The following SNTG2 variants were observed in gnomAD, a reference collection of about 807,000 sequenced individuals.
SNTG2 encodes syntrophin gamma 2.
Under a neutral mutation model 70.9 loss-of-function variants are expected in SNTG2, and 74 were observed. The ratio of observed to expected loss-of-function variants is 1.04; its 90% CI spans 0.86 to 1.27. The LOEUF is 1.27. Among genes scored for constraint, SNTG2 ranks in the 50% most tolerant of loss-of-function variants. The pLI is 0.00. For missense variants in SNTG2, 717 were observed against 690.7 expected (o/e 1.04, Z -0.43); for synonymous variants, 278 against 273.8 (o/e 1.02, Z -0.15).
At chr2:994,881 T>C (rs556562155) in intron 1 of SNTG2, among the ~76,000 whole-genome samples, 1 of 151,502 alleles carries the variant, frequency 6.6e-6, no homozygotes, top group Non-Finnish European at 1.5e-5. Context: ...TGCAAACATA[T>C]ATAAATACAA....
intron 4 of SNTG2, among the ~76,000 whole-genome samples, chr2:1,109,208 CT>C (rs1666278048): frequency 6.6e-6 from 1 of 151,942 alleles, no homozygotes; most frequent in Admixed American, 6.5e-5. Flanking sequence ...TTTATTCCCC[CT>C]AACAGTGGTT....
At chr2:1,319,536 G>A (rs1681430214) in intron 16 of SNTG2, among the ~76,000 whole-genome samples, 1 of 152,160 alleles carries the variant, frequency 6.6e-6, no homozygotes, top group Non-Finnish European at 1.5e-5. Context: ...GGAGGAACTT[G>A]GGTAGACAGA....
intron 1 of SNTG2, among the ~76,000 whole-genome samples, chr2:953,134 A>G (rs1660032054): frequency 6.6e-6 from 1 of 152,188 alleles, no homozygotes; most frequent in Admixed American, 6.5e-5. Context: ...CCTGTTCGGT[A>G]ACAGACCTGT....
intron 16 of SNTG2, among the ~76,000 whole-genome samples, chr2:1,328,431 G>A (rs1681846560): frequency 6.6e-6 from 1 of 152,154 alleles, no homozygotes; most frequent in Admixed American, 6.6e-5. Flanking sequence ...CCACAACTCT[G>A]GGGCTCCGTG....
chr2:1,063,734 A>G (rs910427639), intron 1 of SNTG2, among the ~76,000 whole-genome samples: 2 of 152,358 alleles, frequency 1.3e-5, no homozygotes, highest in East Asian at 3.9e-4. Flanking sequence ...GATCAATCAC[A>G]TAATTCAACA....
intron 1 of SNTG2, among the ~76,000 whole-genome samples, chr2:989,245 G>A (rs1284107489): frequency 1.3e-5 from 2 of 152,026 alleles, no homozygotes; most frequent in African/African-American, 4.8e-5. Context: ...CTTGCATTGG[G>A]TAGGATCTCT....
chr2:1,195,318 G>A (rs1306788737), intron 8 of SNTG2, among the ~76,000 whole-genome samples: 1 of 151,930 alleles, frequency 6.6e-6, no homozygotes, highest in Non-Finnish European at 1.5e-5. Flanking sequence ...CTTCACAATG[G>A]TTGAACTAAT....
chr2:1,184,109 C>T (rs1672102890), intron 8 of SNTG2, among the ~76,000 whole-genome samples: 1 of 152,058 alleles, frequency 6.6e-6, no homozygotes, highest in South Asian at 2.1e-4. Context: ...TTCTATGGGC[C>T]CCCAGTCCAT....
intron 16 of SNTG2, among the ~76,000 whole-genome samples, chr2:1,362,802 T>C (rs905915862): frequency 6.6e-5 from 10 of 151,714 alleles, no homozygotes; most frequent in Non-Finnish European, 2.9e-5. Context: ...AGAACTTCCG[T>C]GAAAGTCACC....
intron 9 of SNTG2, among the ~76,000 whole-genome samples, chr2:1,211,628 A>G (rs191841764): frequency 1.4e-3 from 219 of 152,332 alleles, no homozygotes; most frequent in Non-Finnish European, 1.9e-3. Flanking sequence ...CATGTCTTAC[A>G]TGGCGGCAGG....
chr2:1,227,417 G>A (rs1344880901), intron 9 of SNTG2, among the ~76,000 whole-genome samples: 1 of 152,250 alleles, frequency 6.6e-6, no homozygotes, highest in African/African-American at 2.4e-5. Flanking sequence ...CTGGTGTCCA[G>A]CGTCTGCTGC....
intron 1 of SNTG2, among the ~76,000 whole-genome samples, chr2:1,061,078 G>A (rs1662787230): frequency 7.7e-6 from 1 of 130,508 alleles, no homozygotes. Context: ...CAAAATAACT[G>A]ACCCATGTTT....
At chr2:1,044,942 G>A (rs180733042) in intron 1 of SNTG2, among the ~76,000 whole-genome samples, 2 of 152,070 alleles carry the variant, frequency 1.3e-5, no homozygotes, top group East Asian at 3.9e-4. Flanking sequence ...TTTTGGAATA[G>A]TTTCCGTAGC....
Position 1,365,122 on chromosome 2 carries a change from A to G in SNTG2, c.1489-2221A>G, listed in dbSNP as rs553557682. On this transcript the variant is annotated intron_variant, in intron 16 of 16. Transcript: ENST00000308624. ...TTTCCTCTAACAGGGATAAGTCAAA[A>G]TGAATAAAAGATTTTGAGTACAGTC... Among the ~76,000 whole-genome samples, 24 of 152,160 alleles carry G rather than the reference A, an allele frequency of 1.6e-4. No individual in the cohort carries two copies. The South Asian group carries it at 1.7e-3, about 11-fold the overall frequency.
chr2:1,266,967 T>C (rs984548724), intron 13 of SNTG2, among the ~76,000 whole-genome samples: 1 of 152,060 alleles, frequency 6.6e-6, no homozygotes, highest in Non-Finnish European at 1.5e-5. Flanking sequence ...GACAAGGTCT[T>C]GCCATGTTGC....
intron 6 of SNTG2, among the ~76,000 whole-genome samples, chr2:1,162,782 G>C (rs1295700639): frequency 1.3e-5 from 2 of 152,178 alleles, no homozygotes; most frequent in Admixed American, 1.3e-4. Flanking sequence ...TCTTGTGCGG[G>C]GGGAGGATAG....
chr2:1,115,567 C>G (rs1030753004), intron 4 of SNTG2, among the ~76,000 whole-genome samples: 1 of 149,638 alleles, frequency 6.7e-6, no homozygotes, highest in South Asian at 2.1e-4. Flanking sequence ...TGAGAAGAAT[C>G]TTGTGTACTA....
intron 8 of SNTG2, among the ~76,000 whole-genome samples, chr2:1,186,427 G>T (rs1302440705): frequency 6.6e-6 from 1 of 152,120 alleles, no homozygotes; most frequent in Admixed American, 6.5e-5. Flanking sequence ...AGTATTCGTG[G>T]TACCAATTTT....
chr2:1,358,780 G>A (rs1464502302), intron 16 of SNTG2, among the ~76,000 whole-genome samples: 2 of 152,134 alleles, frequency 1.3e-5, no homozygotes, highest in Non-Finnish European at 2.9e-5. Flanking sequence ...GCCTGTCCTG[G>A]AGAATGCTCC....
Sources: allele counts gnomAD v4.1 joint callset (sites outside exome capture counted in the v4.1 genomes callset), GRCh38; gene constraint gnomAD v4.1.1; transcripts MANE v1.5; gene names NCBI Gene and HGNC (gene_info 2026-07-23, HGNC 2026-07-21).